The following RBFOX1 variants were observed in gnomAD, a reference collection of about 807,000 sequenced individuals.
The protein encoded by RBFOX1 is RNA binding fox-1 homolog 1, also known as RNA binding protein fox-1 homolog 1.
A neutral mutation model predicts 57.7 loss-of-function variants in RBFOX1; 8 were observed. The ratio of observed to expected loss-of-function variants is 0.14; its 90% CI spans 0.08 to 0.25. The LOEUF (loss-of-function observed/expected upper bound fraction) is 0.25, where lower values mean the gene tolerates loss of function less well. Ranked by LOEUF, RBFOX1 falls within the 10% of genes least tolerant of loss-of-function variation. The probability of loss-of-function intolerance (pLI) is 1.00; values close to 1 mark genes in which losing one functional copy is unlikely to be tolerated. For synonymous variants in RBFOX1, 326 were observed against 222.4 expected, an observed-to-expected ratio of 1.47 and a Z score of -4.15; for missense variants, 611 against 548.5, an observed-to-expected ratio of 1.11 and a Z score of -1.14.
In RBFOX1 at chr16:5,640,526, G is replaced by A. The variant is rs143775919; in HGVS notation, c.318+41565G>A. Among the ~76,000 whole-genome samples, 1,305 of 149,460 alleles carry A rather than the reference G, an allele frequency of 8.7e-3. 24 individuals are homozygous for A. Among genetic ancestry groups the A allele is most frequent in the African/African-American group, 0.031 (1,253 of 40,500 alleles). On this transcript the variant is annotated intron_variant, in intron 3 of 19. Coordinates refer to the RBFOX1 transcript ENST00000641259. Reference sequence around the variant, plus strand: ...TGCATATACATGCACATACACACATGCACATACACACATGCACATACATGC... The same window carrying A: ...TGCATATACATGCACATACACACATACACATACACACATGCACATACATGC...
At chr16:6,941,332 TTCCTTCC>T (rs2078467363) in intron 3 of RBFOX1, among the ~76,000 whole-genome samples, 2 of 137,202 alleles carry the variant, frequency 1.5e-5, no homozygotes, top group Non-Finnish European at 3.1e-5. Flanking sequence ...CCTTCCTTCC[TTCCTTCC>T]TTCCTTCCTT....
intron 3 of RBFOX1, among the ~76,000 whole-genome samples, chr16:5,634,513 T>C (rs980856203): frequency 2.0e-5 from 3 of 152,218 alleles, no homozygotes; most frequent in Admixed American, 6.5e-5. Context: ...TATTTTTTTT[T>C]CAAATACCTA....
chr16:6,940,504 G>T (rs972486883), intron 3 of RBFOX1, among the ~76,000 whole-genome samples: 6 of 152,182 alleles, frequency 3.9e-5, no homozygotes, highest in African/African-American at 1.2e-4. Flanking sequence ...ATGAAGGGAA[G>T]AATAATTCTC....
chr16:7,187,039 G>C, intron 4 of RBFOX1, among the ~76,000 whole-genome samples: 1 of 148,434 alleles, frequency 6.7e-6, no homozygotes. Context: ...AGCTGGACAT[G>C]GTGATGTGGT....
chr16:6,149,630 G>C (rs922946751), intron 1 of RBFOX1, among the ~76,000 whole-genome samples: 1 of 152,156 alleles, frequency 6.6e-6, no homozygotes, highest in Non-Finnish European at 1.5e-5. Context: ...TTTTCTTCCA[G>C]GTTTGAATAG....
At position 5,730,255 on chromosome 16, in the gene RBFOX1, T is replaced by C. The variant is rs141211622; in HGVS notation, c.318+131294T>C. On this transcript the variant is annotated intron_variant, in intron 3 of 19. Transcript: ENST00000641259. ...CACAGGTTTATTCTCTTTTTTTCTT[T>C]CAATGTCCATACCTGATCCTTGGGG... Among the ~76,000 whole-genome samples, 71 of 152,276 alleles carry C rather than the reference T, an allele frequency of 4.7e-4. 1 individual carries two copies. The highest frequency in any genetic ancestry group is 1.6e-3 in the African/African-American group (68 of 41,550).
chr16:6,839,168 A>G (rs1019977423), intron 3 of RBFOX1, among the ~76,000 whole-genome samples: 16 of 144,446 alleles, frequency 1.1e-4, no homozygotes, highest in African/African-American at 3.9e-4. Flanking sequence ...TATTTCTTGT[A>G]GAGACAGGGT....
intron 1 of RBFOX1, among the ~76,000 whole-genome samples, chr16:5,301,618 C>CAAAAAAAAA (rs60501583): frequency 3.4e-5 from 3 of 87,024 alleles, no homozygotes; most frequent in South Asian, 9.9e-4. Flanking sequence ...GTCTCCATCT[C>CAAAAAAAAA]AAAAAAAAAA....
chr16:5,259,482 T>C (rs2062676762), intron 1 of RBFOX1, among the ~76,000 whole-genome samples: 1 of 152,176 alleles, frequency 6.6e-6, no homozygotes, highest in South Asian at 2.1e-4. Flanking sequence ...TGTCATCACT[T>C]GCATTCAGGT....
At chr16:6,787,804 C>G (rs1479699143) in intron 3 of RBFOX1, among the ~76,000 whole-genome samples, 2 of 152,214 alleles carry the variant, frequency 1.3e-5, no homozygotes, top group African/African-American at 4.8e-5. Flanking sequence ...CATAATACAA[C>G]TTAATCCACG....
intron 4 of RBFOX1, among the ~76,000 whole-genome samples, chr16:6,008,595 A>C (rs571535956): frequency 2.4e-4 from 37 of 152,282 alleles, no homozygotes; most frequent in Middle Eastern, 3.4e-3. Flanking sequence ...GTCATATCCC[A>C]GAGCTTCAGC....
At chr16:7,254,087 T>C (rs1012642571) in intron 4 of RBFOX1, among the ~76,000 whole-genome samples, 2 of 152,164 alleles carry the variant, frequency 1.3e-5, no homozygotes, top group African/African-American at 4.8e-5. Context: ...GTGCTAAGAA[T>C]GCCCTTTACT....
At chr16:6,477,102 T>G (rs1469346939) in intron 2 of RBFOX1, among the ~76,000 whole-genome samples, 1 of 152,232 alleles carries the variant, frequency 6.6e-6, no homozygotes, top group Admixed American at 6.5e-5. Flanking sequence ...CTTCCTCCAC[T>G]GAAGTCTTGA....
intron 4 of RBFOX1, among the ~76,000 whole-genome samples, chr16:7,327,590 A>G (rs559981458): frequency 1.6e-4 from 24 of 152,190 alleles, no homozygotes; most frequent in Non-Finnish European, 3.1e-4. Context: ...TTTGATAGTC[A>G]ACAAATGGCA....
intron 3 of RBFOX1, among the ~76,000 whole-genome samples, chr16:6,854,884 G>A (rs1176124675): frequency 1.3e-5 from 2 of 151,972 alleles, no homozygotes; most frequent in Middle Eastern, 3.2e-3. Flanking sequence ...GTGAGCCACC[G>A]CGCCCAGCCG....
chr16:6,018,581 C>T (rs1196583420), upstream of RBFOX1, among the ~76,000 whole-genome samples: 3 of 152,104 alleles, frequency 2.0e-5, no homozygotes, highest in Non-Finnish European at 4.4e-5. Flanking sequence ...CCAGGCCAGC[C>T]GCACCCACCC....
chr16:6,588,629 G>T (rs2097665330), intron 2 of RBFOX1, among the ~76,000 whole-genome samples: 1 of 152,178 alleles, frequency 6.6e-6, no homozygotes, highest in African/African-American at 2.4e-5. Flanking sequence ...TCCAGTCTGG[G>T]CAACAGAGTG....
intron 3 of RBFOX1, among the ~76,000 whole-genome samples, chr16:5,808,876 T>A (rs1406766612): frequency 6.6e-6 from 1 of 152,176 alleles, no homozygotes; most frequent in Non-Finnish European, 1.5e-5. Context: ...CAGGGACAAT[T>A]TGACTCCCTG....
intron 2 of RBFOX1, among the ~76,000 whole-genome samples, chr16:6,552,197 A>T (rs368496145): frequency 3.3e-5 from 5 of 152,348 alleles, no homozygotes; most frequent in African/African-American, 1.2e-4. Context: ...CATACCTTTG[A>T]AAGTCCTCAT....
Sources: allele counts gnomAD v4.1 joint callset (sites outside exome capture counted in the v4.1 genomes callset), GRCh38; gene constraint gnomAD v4.1.1; transcripts MANE v1.5; gene names NCBI Gene and HGNC (gene_info 2026-07-23, HGNC 2026-07-21).